Variants in MAGED1 observed in about 807,000 individuals in gnomAD.
The protein encoded by MAGED1 is melanoma-associated antigen D1.
MAGED1 carries 3 observed loss-of-function variants against 54.1 expected under a neutral mutation model. The observed-to-expected ratio is 0.06, with a 90% confidence interval of 0.03 to 0.14. The LOEUF (loss-of-function observed/expected upper bound fraction) is 0.14, where lower values mean the gene tolerates loss of function less well. MAGED1 is among the 10% of genes least tolerant of loss of function. MAGED1 has a pLI of 1.00. For missense variants in MAGED1, 485 were observed against 623.4 expected (o/e 0.78, Z 2.36); for synonymous variants, 217 against 227.3 (o/e 0.95, Z 0.41).
At chrX:51,834,500 T>G in intron 1 of MAGED1, among the ~76,000 whole-genome samples, 1 of 112,499 alleles carries the variant, frequency 8.9e-6, no homozygotes, top group South Asian at 3.7e-4. Context: ...TTAAACCAAA[T>G]TTTGAACTGG....
chrX:51,870,355 T>C (rs1365465374), intron 1 of MAGED1, among the ~76,000 whole-genome samples: 2 of 112,228 alleles, frequency 1.8e-5, no homozygotes, highest in Non-Finnish European at 3.8e-5. Flanking sequence ...TCTATCTTAC[T>C]CAAAATTGAT....
intron 1 of MAGED1, among the ~76,000 whole-genome samples, chrX:51,814,264 T>TGCTGCTGCCGCTGCC (rs1311717289): frequency 4.5e-5 from 5 of 111,914 alleles, no homozygotes; most frequent in Admixed American, 2.8e-4. Context: ...CTGTTGCTGC[T>TGCTGCTGCCGCTGCC]GCTGCTGCCG....
Position 51,836,199 on chromosome X carries a change from A to AT in MAGED1, c.-37+33097dup, listed in dbSNP as rs200574737. On this transcript the variant is annotated intron_variant, in intron 1 of 12. Coordinates refer to the MAGED1 transcript ENST00000375772. The stretch of plus-strand genomic sequence containing the variant: ...ATTCTTGGTTGGTTTCAATTTATTG[A>AT]TTTTTTTTTTTTTTTATTTTGTAAT... Among the ~76,000 whole-genome samples, 247 of 98,335 alleles carry AT rather than the reference A, an allele frequency of 2.5e-3. 2 individuals carry two copies. The highest frequency in any genetic ancestry group is 3.1e-3 in the Non-Finnish European group (152 of 48,584). The allele number at this position is 98,335 out of a possible 115,157, so 85.4% of individuals were successfully genotyped here. A position where few individuals can be genotyped will look rare whatever the true frequency, so the allele number is the denominator to read the frequency against.
In MAGED1 at chrX:51,877,050, T is replaced by C. The variant is rs374615391; in HGVS notation, c.-36-17219T>C. On this transcript the variant is annotated intron_variant, in intron 1 of 12. Transcript: ENST00000375772. ...TTTTCTAGTAAAAGGAATATTTGTT[T>C]GGCTTTTCAATAGCAAAGGACATCC... Among the ~76,000 whole-genome samples, 3 of 110,924 alleles carry C rather than the reference T, an allele frequency of 2.7e-5. No individual in the cohort carries two copies. In the East Asian group the frequency reaches 8.5e-4, roughly 31 times the overall value.
intron 1 of MAGED1, among the ~76,000 whole-genome samples, chrX:51,855,561 T>C (rs1239879637): frequency 9.0e-6 from 1 of 111,518 alleles, no homozygotes; most frequent in Non-Finnish European, 1.9e-5. Flanking sequence ...CCTTCCTGTG[T>C]CCTCACATGG....
rs1295438307 is a variant in MAGED1, at chrX:51,901,638, C to T, written c.2045C>T (p.Ala682Val). Residue 682 changes from alanine to valine, a missense_variant, in exon 12 of 13, where the codon GCT (alanine) becomes GTT (valine). Physicochemically the swap from Ala to Val is moderately conservative, Grantham distance 64 (BLOSUM62 0). Transcript: ENST00000326587. ...EALDALDAAA[A>V]EAEARAEART... ...TTGGATGCTCTGGATGCTGCTGCAGCTGAGGCCGAAGCCCGGGCTGAAGCA... is the reference window on the plus strand; with the variant it reads ...TTGGATGCTCTGGATGCTGCTGCAGTTGAGGCCGAAGCCCGGGCTGAAGCA... The T allele has an allele frequency of 1.7e-5, 21 of 1,208,466 alleles. No individual in the cohort carries two copies. Among genetic ancestry groups the T allele is most frequent in the Non-Finnish European group, 2.2e-5 (20 of 894,562 alleles).
At position 51,859,238 on chromosome X, in the gene MAGED1, A is replaced by G. The variant is rs1244696252; in HGVS notation, c.-36-35031A>G. Among the ~76,000 whole-genome samples, 9 of 110,427 alleles carry G rather than the reference A, an allele frequency of 8.2e-5. 1 individual carries two copies. The highest frequency in any genetic ancestry group is 3.0e-4 in the African/African-American group (9 of 30,325). ...GCCTGGCATGTAGTACATACCTAAT[A>G]AATATGTTATTGAAATATATTATTG... On this transcript the variant is annotated intron_variant, in intron 1 of 12. Transcript: ENST00000375772.
intron 1 of MAGED1, among the ~76,000 whole-genome samples, chrX:51,862,007 T>G (rs1927298822): frequency 8.9e-6 from 1 of 112,081 alleles, no homozygotes; most frequent in Non-Finnish European, 1.9e-5. Flanking sequence ...CTAAAAAACG[T>G]CAGAGTATTC....
At chrX:51,806,223 G>A (rs913698394) in intron 1 of MAGED1, among the ~76,000 whole-genome samples, 12 of 110,039 alleles carry the variant, frequency 1.1e-4, no homozygotes, top group African/African-American at 4.0e-4. Context: ...CCACCCGCCT[G>A]GGCCTCCCAA....
chrX:51,830,797 T>C (rs1317127957), intron 1 of MAGED1, among the ~76,000 whole-genome samples: 2 of 111,972 alleles, frequency 1.8e-5, no homozygotes, highest in Non-Finnish European at 3.8e-5. Context: ...GGCAAAAATG[T>C]ATTTCTTAAC....
At chrX:51,809,307 G>A (rs1389911559) in intron 1 of MAGED1, among the ~76,000 whole-genome samples, 5 of 110,596 alleles carry the variant, frequency 4.5e-5, no homozygotes, top group Admixed American at 9.6e-5. Context: ...GTAGAGACGG[G>A]GTTTCACTGT....
intron 1 of MAGED1, among the ~76,000 whole-genome samples, chrX:51,848,410 A>T (rs1926761885): frequency 9.0e-6 from 1 of 111,716 alleles, no homozygotes; most frequent in Non-Finnish European, 1.9e-5. Flanking sequence ...AAAAGCTGTT[A>T]TACTCATGGT....
At chrX:51,867,342 C>T (rs1435699880) in intron 1 of MAGED1, among the ~76,000 whole-genome samples, 1 of 111,702 alleles carries the variant, frequency 9.0e-6, no homozygotes, top group Non-Finnish European at 1.9e-5. Context: ...TAAAGGGGAG[C>T]TTATTAAGTA....
upstream of MAGED1, among the ~76,000 whole-genome samples, chrX:51,893,091 G>A (rs1928509491): frequency 9.0e-6 from 1 of 110,503 alleles, no homozygotes; most frequent in African/African-American, 3.3e-5. Flanking sequence ...CAGGGGGTGA[G>A]GGAGAAATCA....
rs781846410 is a variant in MAGED1 at position 51,858,177 on chromosome X, T to C, written c.-36-36092T>C. 1.3e-3 allele frequency: 145 copies of C among 112,553 alleles called. 2 individuals carry two copies. Among genetic ancestry groups the C allele is most frequent in the African/African-American group, 4.4e-3 (136 of 31,081 alleles). 9.3% of individuals were successfully genotyped at this position (112,553 alleles called of 1,213,427 possible). A position where few individuals can be genotyped will look rare whatever the true frequency, so the allele number is the denominator to read the frequency against. On this transcript the variant is annotated intron_variant, in intron 1 of 12. Coordinates refer to the MAGED1 transcript ENST00000375772. ...TAATCATACAATGTAGAAATCCTCGTTGTTTTACACACACATGAAGAAACC... is the reference window on the plus strand; with the variant it reads ...TAATCATACAATGTAGAAATCCTCGCTGTTTTACACACACATGAAGAAACC...
chrX:51,900,008 A>C, intron 10 of MAGED1, 174 bp from the exon 11 acceptor site: 1 of 422,407 alleles, frequency 2.4e-6, no homozygotes, highest in Non-Finnish European at 4.1e-6. Context: ...TTAGCGTTCT[A>C]GTGCAGGAAT....
At chrX:51,900,612 ATT>A (rs1352171076) in intron 11 of MAGED1, among the ~76,000 whole-genome samples, 1 of 110,995 alleles carries the variant, frequency 9.0e-6, no homozygotes, top group African/African-American at 3.3e-5. Flanking sequence ...ATTTTTAAGT[ATT>A]TTGTTTTATT....
chrX:51,875,211 C>T (rs782285477), intron 1 of MAGED1, among the ~76,000 whole-genome samples: 2 of 53,560 alleles, frequency 3.7e-5, no homozygotes, highest in Admixed American at 3.0e-4. Context: ...AGGCAATTTC[C>T]TTTTATGAAT....
At chrX:51,879,453 G>A (rs998578014) in intron 1 of MAGED1, among the ~76,000 whole-genome samples, 1 of 110,402 alleles carries the variant, frequency 9.1e-6, no homozygotes, top group Non-Finnish European at 1.9e-5. Context: ...GAAATCTAGG[G>A]TGGTAGTCAT....
Sources: allele counts gnomAD v4.1 joint callset (sites outside exome capture counted in the v4.1 genomes callset), GRCh38; gene constraint gnomAD v4.1.1; transcripts MANE v1.5; gene names NCBI Gene and HGNC (gene_info 2026-07-23, HGNC 2026-07-21).